Variants in SMURF1 observed in about 807,000 individuals in gnomAD.
SMURF1 encodes E3 ubiquitin-protein ligase SMURF1.
A neutral mutation model predicts 98.0 loss-of-function variants in SMURF1; 44 were observed. The ratio of observed to expected loss-of-function variants is 0.45; its 90% CI spans 0.35 to 0.58. SMURF1 has a LOEUF of 0.58. SMURF1 is among the 20% of genes least tolerant of loss of function. SMURF1 has a pLI of 0.00. For synonymous variants in SMURF1, 396 were observed against 374.9 expected (o/e 1.06, Z -0.65); for missense variants, 687 against 938.4 (o/e 0.73, Z 3.50).
At chr7:99,083,912 A>C (rs560034943) in intron 1 of SMURF1, among the ~76,000 whole-genome samples, 1 of 152,370 alleles carries the variant, frequency 6.6e-6, no homozygotes, top group African/African-American at 2.4e-5. Context: ...TGGGCTCCAC[A>C]GGAGTGCACA....
chr7:99,130,166 A>T (rs956127178), intron 1 of SMURF1, among the ~76,000 whole-genome samples: 2 of 152,168 alleles, frequency 1.3e-5, no homozygotes, highest in African/African-American at 2.4e-5. Context: ...AAATACTCCC[A>T]AATAGGCTGG....
intron 14 of SMURF1, 128 bp from the exon 15 acceptor site, chr7:99,037,315 G>T (rs1795183440): frequency 8.8e-7 from 1 of 1,137,904 alleles, no homozygotes; most frequent in Non-Finnish European, 1.3e-6. Context: ...TCGGCTCACT[G>T]CAACCTCAGC....
chr7:99,110,735 G>A (rs1250854456), intron 1 of SMURF1, among the ~76,000 whole-genome samples: 3 of 152,174 alleles, frequency 2.0e-5, no homozygotes, highest in African/African-American at 7.2e-5. Context: ...GTCGTCCATA[G>A]ACAAACTGGC....
At chr7:99,035,752 T>C in intron 15 of SMURF1, 36 bp from the exon 16 acceptor site, 2 of 1,603,528 alleles carry the variant, frequency 1.2e-6, no homozygotes, top group Non-Finnish European at 1.7e-6. Flanking sequence ...ACTTCCAAAA[T>C]GCATAAACCC....
chr7:99,114,546 C>G (rs918406540), intron 1 of SMURF1, among the ~76,000 whole-genome samples: 2 of 152,218 alleles, frequency 1.3e-5, no homozygotes, highest in African/African-American at 4.8e-5. Flanking sequence ...AGAAATAGCT[C>G]TACAATAATT....
intron 1 of SMURF1, among the ~76,000 whole-genome samples, chr7:99,077,407 A>C (rs940934590): frequency 1.3e-5 from 2 of 150,902 alleles, no homozygotes; most frequent in Admixed American, 6.6e-5. Context: ...ATCTCAGCTC[A>C]GTGCAACCTC....
intron 2 of SMURF1, among the ~76,000 whole-genome samples, chr7:99,061,325 T>TA (rs1796030149): frequency 6.6e-6 from 1 of 152,252 alleles, no homozygotes; most frequent in Non-Finnish European, 1.5e-5. Flanking sequence ...ACTGACCAGA[T>TA]ACTGCATGAC....
At chr7:99,050,756 C>A in intron 8 of SMURF1, 1 of 581,036 alleles carries the variant, frequency 1.7e-6, no homozygotes, top group Non-Finnish European at 3.0e-6. Flanking sequence ...GAAAATCAGA[C>A]AGGAAGTTTA....
intron 1 of SMURF1, among the ~76,000 whole-genome samples, chr7:99,108,278 C>T (rs1397204280): frequency 2.0e-5 from 3 of 148,838 alleles, no homozygotes; most frequent in Admixed American, 6.7e-5. Flanking sequence ...AGTGCAGTGG[C>T]GCGATCTTGG....
chr7:99,089,605 C>A (rs1368873305), intron 1 of SMURF1, among the ~76,000 whole-genome samples: 10 of 152,134 alleles, frequency 6.6e-5, no homozygotes, highest in Non-Finnish European at 8.8e-5. Flanking sequence ...CATACCATTG[C>A]CCTCCAGCCT....
chr7:99,036,986 G>GC (rs1188633233), intron 15 of SMURF1, 81 bp downstream of exon 15: 2 of 1,599,776 alleles, frequency 1.3e-6, no homozygotes, highest in South Asian at 1.1e-5. Flanking sequence ...GGCACACACT[G>GC]CCCCCTGCAG....
At chr7:99,059,170 C>T (rs1010707119) in intron 3 of SMURF1, among the ~76,000 whole-genome samples, 42 of 151,594 alleles carry the variant, frequency 2.8e-4, no homozygotes, top group African/African-American at 9.2e-4. Flanking sequence ...GAGGCCGAGG[C>T]GGGCGGATCA....
At chr7:99,131,556 C>A (rs1797872342) in intron 1 of SMURF1, among the ~76,000 whole-genome samples, 2 of 152,034 alleles carry the variant, frequency 1.3e-5, no homozygotes, top group Non-Finnish European at 2.9e-5. Flanking sequence ...CAAGCCTGGG[C>A]AATATAGTGA....
At chr7:99,049,498 C>T in intron 9 of SMURF1, 65 bp downstream of exon 9, 1 of 1,490,034 alleles carries the variant, frequency 6.7e-7, no homozygotes, top group Non-Finnish European at 9.2e-7. Flanking sequence ...CACAAAAATA[C>T]CAGTCCAAGA....
At chr7:99,047,050 C>T (rs1364053413) in intron 10 of SMURF1, among the ~76,000 whole-genome samples, 2 of 152,334 alleles carry the variant, frequency 1.3e-5, no homozygotes, top group African/African-American at 4.8e-5. Flanking sequence ...GGAAATGGCC[C>T]AAATGCCATG....
rs555730501 is a variant in SMURF1 at position 99,122,301 on chromosome 7, C to G, written c.55+21425G>C. ...CGAGATCGGGCCACCGCACTCCAGC[C>G]TGGGCAATAGAGTGAGACTCTGTCT... On this transcript the variant is annotated intron_variant, in intron 1 of 17. Transcript: ENST00000361368. 1.3e-4 allele frequency among the ~76,000 whole-genome samples: 20 copies of G among 148,230 alleles called. No individual in the cohort carries two copies. The East Asian group carries it at 2.2e-3, about 16-fold the overall frequency.
chr7:99,058,776 A>C (rs1795947930), intron 3 of SMURF1, among the ~76,000 whole-genome samples: 1 of 152,212 alleles, frequency 6.6e-6, no homozygotes, highest in African/African-American at 2.4e-5. Context: ...GAACATGAAA[A>C]CATGGGTGCA....
chr7:99,049,207 C>T (rs1046620193), intron 9 of SMURF1: 6 of 201,146 alleles, frequency 3.0e-5, no homozygotes, highest in South Asian at 9.6e-5. Context: ...AGTTCCCCAC[C>T]GTGCAGGCAC....
At chr7:99,048,541 A>G (rs62472042) in intron 9 of SMURF1, 10,661 of 152,562 alleles carry the variant, frequency 0.07, 551 homozygotes, top group Middle Eastern at 0.13. Flanking sequence ...GGCAGTTAGA[A>G]TGAAATGGAG....
Sources: gnomAD v4.1 joint callset for allele counts (sites outside exome capture counted in the v4.1 genomes callset) on GRCh38, gnomAD v4.1.1 for gene constraint, MANE v1.5 for transcripts, NCBI Gene and HGNC (gene_info 2026-07-23, HGNC 2026-07-21) for gene names.